ROBO2: variants seen among roughly 807,000 people sequenced by gnomAD.
ROBO2 encodes the protein roundabout homolog 2.
A neutral mutation model predicts 160.8 loss-of-function variants in ROBO2; 53 were observed. The ratio of observed to expected loss-of-function variants is 0.33; its 90% CI spans 0.26 to 0.41. The LOEUF is 0.41. ROBO2 is among the 10% of genes least tolerant of loss of function. The pLI is 1.00. For missense variants in ROBO2, 1,577 were observed against 1,722.4 expected (o/e 0.92, Z 1.49); for synonymous variants, 664 against 611.7 (o/e 1.09, Z -1.26).
intron 2 of ROBO2, among the ~76,000 whole-genome samples, chr3:76,158,785 C>G (rs2072509116): frequency 6.6e-6 from 1 of 152,106 alleles, no homozygotes; most frequent in South Asian, 2.1e-4. Context: ...CTCTGGGATT[C>G]TTTTCCTGAT....
At chr3:75,963,504 T>A (rs929580051) in intron 2 of ROBO2, among the ~76,000 whole-genome samples, 7 of 151,874 alleles carry the variant, frequency 4.6e-5, no homozygotes, top group African/African-American at 1.4e-4. Context: ...ACTGTTTTTT[T>A]AAAATTGTCA....
At chr3:76,113,563 T>C (rs912684130) in intron 2 of ROBO2, among the ~76,000 whole-genome samples, 68 of 152,214 alleles carry the variant, frequency 4.5e-4, no homozygotes, top group Non-Finnish European at 6.3e-4. Context: ...GGAATTAATA[T>C]ATTGAGTCAT....
intron 2 of ROBO2, among the ~76,000 whole-genome samples, chr3:77,443,456 T>C (rs73101709): frequency 0.2 from 29,877 of 152,090 alleles, 3,698 homozygotes; most frequent in Middle Eastern, 0.28. Context: ...ATTTAAGTAG[T>C]GCAGTTCTAG....
At chr3:76,946,739 G>A (rs1034370958) in intron 2 of ROBO2, among the ~76,000 whole-genome samples, 1 of 152,078 alleles carries the variant, frequency 6.6e-6, no homozygotes, top group Non-Finnish European at 1.5e-5. Context: ...CGCCTGGCCT[G>A]GAATACATCC....
At chr3:77,125,198 GA>G (rs927402349) in intron 2 of ROBO2, among the ~76,000 whole-genome samples, 4 of 152,050 alleles carry the variant, frequency 2.6e-5, no homozygotes, top group African/African-American at 9.7e-5. Flanking sequence ...ACACTTAGTG[GA>G]AAAACCATAT....
chr3:76,081,897 A>G (rs772088295), intron 2 of ROBO2, among the ~76,000 whole-genome samples: 23 of 152,036 alleles, frequency 1.5e-4, no homozygotes, highest in Non-Finnish European at 3.1e-4. Flanking sequence ...GGAAAACCCC[A>G]AGAGCAAATA....
intron 2 of ROBO2, among the ~76,000 whole-genome samples, chr3:76,174,842 A>T (rs2073169219): frequency 6.6e-6 from 1 of 151,940 alleles, no homozygotes; most frequent in Non-Finnish European, 1.5e-5. Flanking sequence ...TCTTGGCTAT[A>T]TGGGCTCTTT....
intron 1 of ROBO2, among the ~76,000 whole-genome samples, chr3:77,088,106 T>G (rs543536899): frequency 6.6e-6 from 1 of 152,184 alleles, no homozygotes; most frequent in African/African-American, 2.4e-5. Context: ...AAAATGTGAT[T>G]AAGACTTAGC....
rs1385593411 is a variant in ROBO2 at position 76,095,751 on chromosome 3, C to G, written c.109+158149C>G. Among the ~76,000 whole-genome samples the G allele has an allele frequency of 4.7e-4, 7 of 14,828 alleles. No homozygotes were observed. In the East Asian group the frequency reaches 7.2e-3, roughly 15 times the overall value. 9.7% of individuals were successfully genotyped at this position (14,828 alleles called of 152,430 possible). ...TATACAAGACACATAGTATGCTTGA[C>G]ACACACACACACACACACACACACA... On this transcript the variant is annotated intron_variant, in intron 2 of 26. Transcript: ENST00000487694.
chr3:76,917,470 A>G (rs2076393715), intron 2 of ROBO2, among the ~76,000 whole-genome samples: 1 of 152,196 alleles, frequency 6.6e-6, no homozygotes, highest in African/African-American at 2.4e-5. Context: ...AAACCCAAGA[A>G]AACTATTCAG....
intron 2 of ROBO2, among the ~76,000 whole-genome samples, chr3:76,888,598 C>G (rs1013037213): frequency 6.6e-6 from 1 of 152,142 alleles, no homozygotes; most frequent in African/African-American, 2.4e-5. Flanking sequence ...ATCAGAATTA[C>G]AATTGATATA....
At chr3:76,314,287 T>G (rs2071812609) in intron 2 of ROBO2, among the ~76,000 whole-genome samples, 1 of 152,168 alleles carries the variant, frequency 6.6e-6, no homozygotes, top group Non-Finnish European at 1.5e-5. Context: ...TCATTAGAAT[T>G]ACAGAAGCTA....
At chr3:76,806,238 T>TGTGTGG (rs2064702322) in intron 2 of ROBO2, among the ~76,000 whole-genome samples, 1 of 151,602 alleles carries the variant, frequency 6.6e-6, no homozygotes, top group Non-Finnish European at 1.5e-5. Context: ...TGTGTGTGTG[T>TGTGTGG]GTGTGTTACT....
At chr3:76,933,471 G>C (rs1275824962) in intron 2 of ROBO2, among the ~76,000 whole-genome samples, 1 of 152,130 alleles carries the variant, frequency 6.6e-6, no homozygotes, top group Admixed American at 6.6e-5. Flanking sequence ...ATGACTATTA[G>C]AGTCAAAATT....
intron 2 of ROBO2, among the ~76,000 whole-genome samples, chr3:77,314,868 G>A (rs769630967): frequency 1.2e-4 from 19 of 152,086 alleles, no homozygotes; most frequent in Non-Finnish European, 2.4e-4. Flanking sequence ...TTTGTCTTGT[G>A]AAAAATAAAC....
chr3:76,060,767 A>T (rs766585768), intron 2 of ROBO2, among the ~76,000 whole-genome samples: 2 of 152,194 alleles, frequency 1.3e-5, no homozygotes, highest in Non-Finnish European at 2.9e-5. Context: ...TCTTACTGCT[A>T]TGTGAAAGAT....
At chr3:76,797,829 G>A (rs1272415854) in intron 2 of ROBO2, among the ~76,000 whole-genome samples, 1 of 151,654 alleles carries the variant, frequency 6.6e-6, no homozygotes, top group Non-Finnish European at 1.5e-5. Context: ...AAAGAAATGG[G>A]TAAATTCCTA....
chr3:77,317,425 A>C (rs1581007496), intron 2 of ROBO2: 1 of 1,468,946 alleles, frequency 6.8e-7, no homozygotes. Flanking sequence ...GTCCATCGGT[A>C]CCTGGTTTCC....
At chr3:76,003,568 A>G (rs186640754) in intron 2 of ROBO2, among the ~76,000 whole-genome samples, 7 of 152,374 alleles carry the variant, frequency 4.6e-5, no homozygotes, top group African/African-American at 1.4e-4. Flanking sequence ...TAGATTAAAA[A>G]TTGGACTTTG....
Sources: allele counts gnomAD v4.1 joint callset (sites outside exome capture counted in the v4.1 genomes callset), GRCh38; gene constraint gnomAD v4.1.1; transcripts MANE v1.5; gene names NCBI Gene and HGNC (gene_info 2026-07-23, HGNC 2026-07-21).